STXBP5L: variants seen among roughly 807,000 people sequenced by gnomAD.
STXBP5L encodes the protein syntaxin binding protein 5L.
Under a neutral mutation model 144.5 loss-of-function variants are expected in STXBP5L, and 65 were observed. That is an observed-to-expected ratio of 0.45 (90% confidence interval 0.37 to 0.55). The LOEUF (loss-of-function observed/expected upper bound fraction) is 0.55, where lower values mean the gene tolerates loss of function less well. Ranked by LOEUF, STXBP5L falls within the 20% of genes least tolerant of loss-of-function variation. STXBP5L has a pLI of 0.00. For synonymous variants in STXBP5L, 505 were observed against 469.6 expected (o/e 1.08, Z -0.97); for missense variants, 1,298 against 1,405.5 (o/e 0.92, Z 1.22).
intron 3 of STXBP5L, among the ~76,000 whole-genome samples, chr3:121,004,045 T>C (rs1272582488): frequency 2.0e-5 from 3 of 152,074 alleles, no homozygotes; most frequent in Non-Finnish European, 4.4e-5. Flanking sequence ...TCTTTTTTGG[T>C]TCCATATGAA....
chr3:120,975,159 T>C (rs937060333), intron 3 of STXBP5L, among the ~76,000 whole-genome samples: 18 of 152,226 alleles, frequency 1.2e-4, no homozygotes, highest in Admixed American at 3.9e-4. Context: ...ACGATATTGC[T>C]TCTTCCTACT....
intron 7 of STXBP5L, among the ~76,000 whole-genome samples, chr3:121,133,504 T>C (rs2045094340): frequency 6.6e-6 from 1 of 152,108 alleles, no homozygotes; most frequent in South Asian, 2.1e-4. Context: ...AAAAAAATAC[T>C]GTCCATCAAG....
At chr3:121,093,871 C>G (rs1311034197) in intron 5 of STXBP5L, among the ~76,000 whole-genome samples, 5 of 152,090 alleles carry the variant, frequency 3.3e-5, no homozygotes, top group Non-Finnish European at 4.4e-5. Context: ...GTTAGGGTGT[C>G]AATTTTGGAT....
chr3:121,041,500 C>CT (rs34695241), intron 3 of STXBP5L, among the ~76,000 whole-genome samples, 200 bp from the exon 4 acceptor site: 2 of 151,868 alleles, frequency 1.3e-5, no homozygotes, highest in African/African-American at 2.4e-5. Context: ...TATTGTCATT[C>CT]TTTTTTTCAA....
chr3:121,152,138 G>C (rs1016497545), intron 7 of STXBP5L, among the ~76,000 whole-genome samples: 1 of 151,958 alleles, frequency 6.6e-6, no homozygotes, highest in South Asian at 2.1e-4. Flanking sequence ...CATATACATA[G>C]TTCATTAATC....
At chr3:121,061,090 C>T (rs1477688243) in intron 5 of STXBP5L, among the ~76,000 whole-genome samples, 1 of 152,174 alleles carries the variant, frequency 6.6e-6, no homozygotes, top group Non-Finnish European at 1.5e-5. Flanking sequence ...ATCTTTCCCA[C>T]ATTCTCCTGT....
chr3:121,340,733 G>A (rs374485335), intron 20 of STXBP5L, among the ~76,000 whole-genome samples: 37 of 151,892 alleles, frequency 2.4e-4, no homozygotes, highest in South Asian at 2.1e-4. Flanking sequence ...CTGGGTTTGC[G>A]GTGTGTAAAT....
chr3:120,979,649 T>G (rs1941535275), intron 3 of STXBP5L, among the ~76,000 whole-genome samples: 1 of 152,212 alleles, frequency 6.6e-6, no homozygotes, highest in South Asian at 2.1e-4. Context: ...TCGCTCACAC[T>G]GGGAGCTGTA....
chr3:121,191,425 G>A (rs2047677805), intron 9 of STXBP5L, among the ~76,000 whole-genome samples: 1 of 152,194 alleles, frequency 6.6e-6, no homozygotes, highest in South Asian at 2.1e-4. Flanking sequence ...TGCAATCCCA[G>A]GCATTCGGCA....
chr3:120,962,927 T>C (rs1939044516), intron 3 of STXBP5L, among the ~76,000 whole-genome samples: 1 of 152,250 alleles, frequency 6.6e-6, no homozygotes, highest in Non-Finnish European at 1.5e-5. Context: ...TTCTTCCATT[T>C]GTTTGTGTCC....
intron 18 of STXBP5L, among the ~76,000 whole-genome samples, chr3:121,270,433 C>T (rs926363863): frequency 7.2e-5 from 11 of 151,904 alleles, no homozygotes; most frequent in Admixed American, 7.2e-4. Context: ...TCTTCTTAGT[C>T]TCCTTTAATC....
At chr3:120,970,542 A>G (rs1357831709) in intron 3 of STXBP5L, among the ~76,000 whole-genome samples, 9 of 152,052 alleles carry the variant, frequency 5.9e-5, no homozygotes, top group African/African-American at 7.2e-5. Flanking sequence ...ATCTGCTGCA[A>G]TCTGTATTCA....
chr3:120,909,505 T>C, intron 1 of STXBP5L, 66 bp from the exon 2 acceptor site: 1 of 1,380,582 alleles, frequency 7.2e-7, no homozygotes, highest in Non-Finnish European at 9.8e-7. Context: ...GAAAGGCTTT[T>C]ACCAAGGTCT....
chr3:120,981,169 T>G (rs1941732314), intron 3 of STXBP5L, among the ~76,000 whole-genome samples: 1 of 152,188 alleles, frequency 6.6e-6, no homozygotes, highest in African/African-American at 2.4e-5. Context: ...GATCTTCTGA[T>G]GAGTATATGC....
chr3:121,269,618 T>TC (rs753845310), intron 18 of STXBP5L, among the ~76,000 whole-genome samples: 28 of 152,224 alleles, frequency 1.8e-4, no homozygotes, highest in Non-Finnish European at 3.4e-4. Context: ...AAAGAGGAAC[T>TC]CCAAGTTTTA....
intron 20 of STXBP5L, among the ~76,000 whole-genome samples, chr3:121,364,744 C>T (rs556631473): frequency 7.2e-4 from 109 of 151,274 alleles, no homozygotes; most frequent in African/African-American, 2.5e-3. Context: ...TTTCCTTTGC[C>T]GATTGTTTAT....
intron 24 of STXBP5L, among the ~76,000 whole-genome samples, chr3:121,415,199 T>C (rs971368937): frequency 6.6e-6 from 1 of 152,150 alleles, no homozygotes; most frequent in Admixed American, 6.6e-5. Flanking sequence ...TAGAAAAAGC[T>C]GGGGAGCAAG....
intron 5 of STXBP5L, among the ~76,000 whole-genome samples, chr3:121,068,436 T>A (rs1241721028): frequency 6.6e-6 from 1 of 152,174 alleles, no homozygotes; most frequent in East Asian, 1.9e-4. Context: ...TTACTTAAAC[T>A]TTTTATTATC....
chr3:120,942,304 G>A (rs1710606226), intron 2 of STXBP5L, among the ~76,000 whole-genome samples: 2 of 151,332 alleles, frequency 1.3e-5, no homozygotes, highest in South Asian at 2.1e-4. Context: ...TGATGACATC[G>A]GCTCTGTATT....
Sources: gnomAD v4.1 joint callset for allele counts (sites outside exome capture counted in the v4.1 genomes callset) on GRCh38, gnomAD v4.1.1 for gene constraint, MANE v1.5 for transcripts, NCBI Gene and HGNC (gene_info 2026-07-23, HGNC 2026-07-21) for gene names.